GREB1L: variants seen among roughly 807,000 people sequenced by gnomAD.
GREB1L encodes GREB1-like protein.
A neutral mutation model predicts 200.8 loss-of-function variants in GREB1L; 17 were observed. That is an observed-to-expected ratio of 0.08 (90% CI 0.06 to 0.13). The LOEUF is 0.13. GREB1L is among the 10% of genes least tolerant of loss of function. The probability of loss-of-function intolerance (pLI) is 1.00; values close to 1 mark genes in which losing one functional copy is unlikely to be tolerated. For missense variants in GREB1L, 1,657 were observed against 2,367.7 expected (o/e 0.70, Z 6.23); for synonymous variants, 789 against 893.0 (o/e 0.88, Z 2.08).
At chr18:21,384,725 G>A (rs1385884624) in intron 4 of GREB1L, among the ~76,000 whole-genome samples, 2 of 151,990 alleles carry the variant, frequency 1.3e-5, no homozygotes, top group Non-Finnish European at 2.9e-5. Context: ...AGTACTTTCT[G>A]CAAGAATGCT....
intron 1 of GREB1L, among the ~76,000 whole-genome samples, chr18:21,244,818 G>C (rs1255982614): frequency 6.6e-6 from 1 of 152,122 alleles, no homozygotes; most frequent in African/African-American, 2.4e-5. Flanking sequence ...CACCTTGTGT[G>C]GCTAAGGAGA....
rs535527077 is a variant in GREB1L, at chr18:21,452,178, C to A, written c.1945C>A (p.Pro649Thr). The A allele has an allele frequency of 1.9e-6, 3 of 1,551,758 alleles. No individual in the cohort carries two copies. Among genetic ancestry groups the A allele is most frequent in the African/African-American group, 1.4e-5 (1 of 73,148 alleles). The change falls in exon 14 of 33, where the codon CCC becomes ACC. Residue 649 changes from proline (P) to threonine (T), a missense_variant. By Grantham distance (38) the Pro-to-Thr change is conservative. Coordinates refer to ENST00000424526, the MANE Select transcript of GREB1L (RefSeq NM_001142966.3). The part of the protein sequence containing the change: ...FDGDLNECVS[P>T]QEAAAMIPTQ... ...TGGAGACCTTAATGAATGTGTGTCA[C>A]CCCAGGAGGCTGCTGCTATGATTCC...
intron 19 of GREB1L, among the ~76,000 whole-genome samples, chr18:21,495,326 T>G (rs867634020): frequency 6.6e-6 from 1 of 152,226 alleles, no homozygotes; most frequent in African/African-American, 2.4e-5. Flanking sequence ...AGAAAGTATA[T>G]TTAAGTGCCT....
At chr18:21,403,729 G>A (rs544296459) in intron 6 of GREB1L, 143 bp from the exon 7 acceptor site, 3 of 619,042 alleles carry the variant, frequency 4.8e-6, no homozygotes, top group Admixed American at 2.9e-5. Context: ...TTGGAGTCAG[G>A]ATGGGGAAGG....
At chr18:21,264,027 G>C (rs1284750243) in intron 1 of GREB1L, among the ~76,000 whole-genome samples, 1 of 152,166 alleles carries the variant, frequency 6.6e-6, no homozygotes, top group African/African-American at 2.4e-5. Context: ...ACTCCCCAGT[G>C]CAGAATTTTC....
At chr18:21,401,110 C>T in intron 5 of GREB1L, 40 bp from the exon 6 acceptor site, 2 of 1,488,968 alleles carry the variant, frequency 1.3e-6, no homozygotes, top group Non-Finnish European at 1.8e-6. Flanking sequence ...ATTGTATCAA[C>T]TTACAAGGCC....
intron 7 of GREB1L, among the ~76,000 whole-genome samples, chr18:21,436,584 T>A (rs1308634233): frequency 6.6e-6 from 1 of 151,536 alleles, no homozygotes; most frequent in African/African-American, 2.4e-5. Context: ...CAGTGAGCCA[T>A]GTTTGTGCCA....
At chr18:21,287,793 CT>C (rs534899512) in intron 1 of GREB1L, among the ~76,000 whole-genome samples, 3,845 of 133,224 alleles carry the variant, frequency 0.029, 77 homozygotes, top group African/African-American at 0.085. Flanking sequence ...AGTTTAAAAT[CT>C]TTTTTTTTTT....
intron 1 of GREB1L, among the ~76,000 whole-genome samples, chr18:21,263,321 C>T (rs1275214081): frequency 6.6e-6 from 1 of 152,172 alleles, no homozygotes; most frequent in African/African-American, 2.4e-5. Context: ...GGTCACTATC[C>T]TTGTCTTCGT....
chr18:21,408,794 C>CA (rs58262799), intron 7 of GREB1L, among the ~76,000 whole-genome samples: 20,916 of 73,360 alleles, frequency 0.29, 2,178 homozygotes, highest in Middle Eastern at 0.45. Context: ...AATTCCATCT[C>CA]AAAAAAAAAA....
chr18:21,332,033 G>A (rs1473886727), intron 1 of GREB1L, among the ~76,000 whole-genome samples: 4 of 152,122 alleles, frequency 2.6e-5, no homozygotes, highest in South Asian at 4.1e-4. Context: ...GTTGTTCCAA[G>A]TAACTTTATT....
chr18:21,486,550 A>C (rs1439754070), intron 18 of GREB1L, among the ~76,000 whole-genome samples: 18 of 152,082 alleles, frequency 1.2e-4, no homozygotes, highest in Non-Finnish European at 1.3e-4. Flanking sequence ...CAGATAATTG[A>C]GGTGAATTCA....
chr18:21,424,633 TATA>T (rs942460065), intron 7 of GREB1L, among the ~76,000 whole-genome samples: 32 of 152,194 alleles, frequency 2.1e-4, no homozygotes, highest in Admixed American at 2.0e-3. Context: ...TTTATTAAGA[TATA>T]ATTCATATAT....
chr18:21,416,520 G>T (rs539421341), intron 7 of GREB1L, among the ~76,000 whole-genome samples: 1 of 151,946 alleles, frequency 6.6e-6, no homozygotes, highest in Admixed American at 6.6e-5. Flanking sequence ...GTGAAACCCT[G>T]TCCCTCCTAA....
chr18:21,372,205 A>C (rs1251491322), intron 2 of GREB1L, among the ~76,000 whole-genome samples: 3 of 150,834 alleles, frequency 2.0e-5, no homozygotes, highest in Non-Finnish European at 4.4e-5. Context: ...CTGGAGTTCA[A>C]TGGCATGATC....
chr18:21,264,002 T>C (rs2037928425), intron 1 of GREB1L, among the ~76,000 whole-genome samples: 1 of 152,320 alleles, frequency 6.6e-6, no homozygotes, highest in Non-Finnish European at 1.5e-5. Context: ...CTCTTTACAG[T>C]TGAATTGCCT....
chr18:21,302,968 G>C (rs1230954629), intron 1 of GREB1L, among the ~76,000 whole-genome samples: 3 of 151,914 alleles, frequency 2.0e-5, no homozygotes, highest in African/African-American at 7.3e-5. Flanking sequence ...TGATCCACCC[G>C]CCTCCGCCCC....
intron 5 of GREB1L, 50 bp from the exon 6 acceptor site, chr18:21,401,100 A>T: frequency 7.1e-7 from 1 of 1,412,222 alleles, no homozygotes; most frequent in South Asian, 1.2e-5. Flanking sequence ...ACGTAAAAGT[A>T]TTGTATCAAC....
In GREB1L at chr18:21,485,584, G is replaced by C. The variant is rs184311722; in HGVS notation, c.2557-36G>C. Reference sequence around the variant, plus strand: ...TGGAAAACAAGACACACTGTATCCTGTCCTCATTGGGTTTTTGCTCTGTAT... The same window carrying C: ...TGGAAAACAAGACACACTGTATCCTCTCCTCATTGGGTTTTTGCTCTGTAT... On this transcript the variant is annotated intron_variant, in intron 17 of 32. Transcript: ENST00000424526. 54 of 1,544,206 alleles carry C rather than the reference G, an allele frequency of 3.5e-5. No individual in the cohort carries two copies. In the East Asian group the frequency reaches 9.6e-4, roughly 27 times the overall value.
Sources: gnomAD v4.1 joint callset for allele counts (sites outside exome capture counted in the v4.1 genomes callset) on GRCh38, gnomAD v4.1.1 for gene constraint, MANE v1.5 for transcripts, NCBI Gene and HGNC (gene_info 2026-07-23, HGNC 2026-07-21) for gene names.